Variants in IGSF9B observed in about 807,000 individuals in gnomAD.
IGSF9B encodes protein turtle homolog B.
A neutral mutation model predicts 143.7 loss-of-function variants in IGSF9B; 48 were observed. The observed-to-expected ratio is 0.33, with a 90% CI of 0.26 to 0.42. The LOEUF (loss-of-function observed/expected upper bound fraction) is 0.42, where lower values mean the gene tolerates loss of function less well. Among genes scored for constraint, IGSF9B ranks in the 20% least tolerant of loss-of-function variants. IGSF9B has a pLI of 1.00. For synonymous variants in IGSF9B, 903 were observed against 833.1 expected, an observed-to-expected ratio of 1.08 and a Z score of -1.44; for missense variants, 1,706 against 1,980.0, an observed-to-expected ratio of 0.86 and a Z score of 2.63.
intron 1 of IGSF9B, among the ~76,000 whole-genome samples, chr11:133,947,218 C>T (rs1940070509): frequency 1.3e-5 from 2 of 152,208 alleles, no homozygotes; most frequent in South Asian, 4.1e-4. Flanking sequence ...CGCAGCACCA[C>T]TCCTGGGCCC....
Position 133,932,230 on chromosome 11 carries a change from C to A in IGSF9B, c.968-17G>T, listed in dbSNP as rs189581690. 1.3e-6 allele frequency: 2 copies of A among 1,546,926 alleles called. No homozygotes were observed. Among genetic ancestry groups the A allele is most frequent in the Admixed American group, 2.0e-5 (1 of 50,738 alleles). ...GCGCTGGGTCTGCATAGAGGAAGCG[C>A]AGGTGAGAGAGCAGACAGACAGACA... On this transcript the variant is annotated splice_polypyrimidine_tract_variant and intron_variant, in intron 7 of 19. Transcript: ENST00000533871.
rs1487463601 is a variant in IGSF9B at position 133,907,883 on chromosome 11, G to A, written c.*1186C>T. On this transcript the variant is annotated 3_prime_UTR_variant, in exon 20 of 20. Transcript: ENST00000533871. ...ACCGGAGGACGAAGGCCCCGGGGCA[G>A]AGAAGAGTCGGCAGGCAGCACGTGG... 6.6e-6 allele frequency among the ~76,000 whole-genome samples: 1 copy of A among 152,240 alleles called. No individual in the cohort carries two copies. Among genetic ancestry groups the A allele is most frequent in the African/African-American group, 2.4e-5 (1 of 41,464 alleles).
intron 18 of IGSF9B, among the ~76,000 whole-genome samples, chr11:133,918,524 G>T (rs577300142): frequency 6.6e-6 from 1 of 152,160 alleles, no homozygotes; most frequent in Non-Finnish European, 1.5e-5. Flanking sequence ...GCACCTCCGC[G>T]CACAGGCGGC....
At chr11:133,932,263 AGACAGACAGACACAGG>A in intron 7 of IGSF9B, 50 bp from the exon 8 acceptor site, 2 of 1,507,858 alleles carry the variant, frequency 1.3e-6, no homozygotes, top group Non-Finnish European at 1.8e-6. Flanking sequence ...ACACAGGGAC[AGACAGACAGACACAGG>A]GACAGACAGA....
intron 14 of IGSF9B, among the ~76,000 whole-genome samples, chr11:133,925,477 G>A (rs1188110722): frequency 1.3e-5 from 2 of 152,146 alleles, no homozygotes; most frequent in Non-Finnish European, 2.9e-5. Flanking sequence ...AGCCTGCCCT[G>A]CCCAGCTTGT....
rs763845138 is a variant in IGSF9B, at chr11:133,902,691, C to T, written c.*6378G>A. Among the ~76,000 whole-genome samples the T allele has an allele frequency of 5.3e-4, 80 of 152,174 alleles. 1 individual carries two copies. Among genetic ancestry groups the T allele is most frequent in the Non-Finnish European group, 1.9e-4 (13 of 68,024 alleles). ...GGTGCCTGCAGAAGGACACATGAGA[C>T]AATCCCTTCTCCAGCCCTGCCAGGA... On this transcript the variant is annotated 3_prime_UTR_variant, in exon 20 of 20. Transcript: ENST00000533871.
chr11:133,897,292 A>C lies in IGSF9B; in HGVS notation c.*11777T>G, dbSNP rs1344451711. 1 of 152,186 alleles carries C rather than the reference A, an allele frequency of 6.6e-6. No individual in the cohort carries two copies. Among genetic ancestry groups the C allele is most frequent in the Non-Finnish European group, 1.5e-5 (1 of 68,048 alleles). The allele number at this position is 152,186 out of a possible 1,614,324, so 9.4% of individuals were successfully genotyped here. A position where few individuals can be genotyped will look rare whatever the true frequency, so the allele number is the denominator to read the frequency against. On this transcript the variant is annotated 3_prime_UTR_variant, in exon 20 of 20. Coordinates refer to ENST00000533871, the MANE Select transcript of IGSF9B (RefSeq NM_001277285.4). ...AACCTGGGCCTCCCTTCAAGCTCGT[A>C]CTTAGTACATTCACCATGACACTGT...
rs533648457 is a variant in IGSF9B, at chr11:133,948,146, A to G, written c.65-1888T>C. Among the ~76,000 whole-genome samples, 57 of 149,636 alleles carry G rather than the reference A, an allele frequency of 3.8e-4. No homozygotes were observed. Among genetic ancestry groups the G allele is most frequent in the Admixed American group, 1.3e-4 (2 of 15,032 alleles). On this transcript the variant is annotated intron_variant, in intron 1 of 19. Transcript: ENST00000533871. This position sits in a 1 kb window ranked among gnomAD's most constrained non-coding sequence, Gnocchi z 4.7. ...GGAGGGGTTCTGCCTGCTTCTCTGT[A>G]TGCAAGGGCTCCGTCTCTGCATGTA...
At chr11:133,950,245 A>G (rs1298557560) in intron 1 of IGSF9B, among the ~76,000 whole-genome samples, 2 of 152,268 alleles carry the variant, frequency 1.3e-5, no homozygotes, top group Non-Finnish European at 2.9e-5. Context: ...TGAAAGCAGG[A>G]CTGCTCTGAA....
rs912979889 is a variant in IGSF9B at position 133,903,875 on chromosome 11, G to C, written c.*5194C>G. 6.6e-6 allele frequency among the ~76,000 whole-genome samples: 1 copy of C among 152,152 alleles called. No individual in the cohort carries two copies. ...CCAAACAGCAAGCTGGTAAGAGTGC[G>C]AAAGTCCAATCTGGGCTTTGATCCT... On this transcript the variant is annotated 3_prime_UTR_variant, in exon 20 of 20. Transcript: ENST00000533871.
rs1192195272 is a variant in IGSF9B at position 133,953,875 on chromosome 11, TCCA to T, written c.64+2813_64+2815del. Among the ~76,000 whole-genome samples, 4 of 152,080 alleles carry T rather than the reference TCCA, an allele frequency of 2.6e-5. No individual in the cohort carries two copies. The highest frequency in any genetic ancestry group is 5.9e-5 in the Non-Finnish European group (4 of 68,020). ...GGGTACCACTCCAGCCCCTCTCTTC[TCCA>T]CACTTCCCCAACCTGTCCACTGACC... On this transcript the variant is annotated intron_variant, in intron 1 of 19. Transcript: ENST00000533871. The surrounding 1 kb of genome is among the most constrained non-coding windows in gnomAD (Gnocchi z 4.2).
Position 133,920,744 on chromosome 11 carries a change from G to A in IGSF9B, c.2981C>T (p.Ser994Phe). The A allele has an allele frequency of 1.2e-6, 2 of 1,612,956 alleles. No homozygotes were observed. The highest frequency in any genetic ancestry group is 8.5e-7 in the Non-Finnish European group (1 of 1,179,614). The change falls in exon 18 of 20, where the codon TCC becomes TTC. Residue 994 changes from serine to phenylalanine, a missense_variant. Physicochemically the swap from Ser to Phe is radical, Grantham distance 155 (BLOSUM62 -2). This residue lies in a region of IGSF9B where 880 missense variants were observed against 762.9 expected (regional missense o/e 1.15). Coordinates refer to ENST00000533871, the MANE Select transcript of IGSF9B (RefSeq NM_001277285.4). ...GGGCAGGGGCGGGGACGACATGACG[G>A]AGCTCAGGGGGCTGCCCACTTCTGG... ...YVPEVGSPLS[S>F]VMSSPPLPTE... is the part of the protein sequence containing the mutation.
intron 18 of IGSF9B, chr11:133,918,940 AG>A: frequency 2.2e-6 from 1 of 459,960 alleles, no homozygotes. Flanking sequence ...AGAAGGAAGG[AG>A]GGGCAGGGGG....
rs1218409953 is a variant in IGSF9B at position 133,956,795 on chromosome 11, G to A, written c.-41C>T. The A allele has an allele frequency of 6.8e-6, 9 of 1,314,378 alleles. No individual in the cohort carries two copies. The highest frequency in any genetic ancestry group is 2.6e-5 in the Admixed American group (1 of 38,832). The allele number at this position is 1,314,378 out of a possible 1,614,324, so 81.4% of individuals were successfully genotyped here. A position where few individuals can be genotyped will look rare whatever the true frequency, so the allele number is the denominator to read the frequency against. ...GCCCGGAGCCTCATCCTATCGCAAA[G>A]TGCTCCCGCGCCCGCACGCGCCTCG... On this transcript the variant is annotated 5_prime_UTR_variant, in exon 1 of 20. Transcript: ENST00000533871.
At position 133,902,009 on chromosome 11, in the gene IGSF9B, CCAG is replaced by C. The variant is rs1565409662; in HGVS notation, c.*7057_*7059del. On this transcript the variant is annotated 3_prime_UTR_variant, in exon 20 of 20. Coordinates refer to ENST00000533871, the MANE Select transcript of IGSF9B (RefSeq NM_001277285.4). Reference sequence around the variant, plus strand: ...CAGACACATCACACACACACACACACCAGACATACACACACCATACCACACACC... The same window carrying C: ...CAGACACATCACACACACACACACACACATACACACACCATACCACACACC... 5.6e-5 allele frequency among the ~76,000 whole-genome samples: 7 copies of C among 124,784 alleles called. No homozygotes were observed. The highest frequency in any genetic ancestry group is 2.1e-4 in the African/African-American group (6 of 29,090). The allele number at this position is 124,784 out of a possible 152,430, so 81.9% of individuals were successfully genotyped here.
rs1591706202 is a variant in IGSF9B at position 133,908,998 on chromosome 11, A to C, written c.*71T>G. 5.4e-6 allele frequency: 7 copies of C among 1,303,228 alleles called. 1 individual carries two copies. The highest frequency in any genetic ancestry group is 7.4e-6 in the Non-Finnish European group (7 of 943,410). 80.7% of individuals were successfully genotyped at this position (1,303,228 alleles called of 1,614,324 possible). On this transcript the variant is annotated 3_prime_UTR_variant, in exon 20 of 20. Transcript: ENST00000533871. ...GCCCTTGGCAGACGGAGGAGGACAC[A>C]CCCCCACACAGTGGCCCTCCCTGCC...
rs1170849867 is a variant in IGSF9B, at chr11:133,936,045, G to T, written c.821+8C>A. On this transcript the variant is annotated splice_region_variant and intron_variant, in intron 6 of 19. Transcript: ENST00000533871. ...AACCTCATTGAAAAGTCAGAGCAGGGTGCTCACTTCTGAAAGTAGACGTTC... is the reference window on the plus strand; with the variant it reads ...AACCTCATTGAAAAGTCAGAGCAGGTTGCTCACTTCTGAAAGTAGACGTTC... The T allele has an allele frequency of 6.2e-7, 1 of 1,612,978 alleles. No individual in the cohort carries two copies. Among genetic ancestry groups the T allele is most frequent in the Admixed American group, 1.7e-5 (1 of 59,896 alleles).
At position 133,920,229 on chromosome 11, in the gene IGSF9B, G is replaced by C; in HGVS notation, c.3496C>G (p.Leu1166Val). 6.6e-7 allele frequency: 1 copy of C among 1,516,760 alleles called. No individual in the cohort carries two copies. The highest frequency in any genetic ancestry group is 8.8e-7 in the Non-Finnish European group (1 of 1,132,686). The allele number at this position is 1,516,760 out of a possible 1,614,324, so 94.0% of individuals were successfully genotyped here. A position where few individuals can be genotyped will look rare whatever the true frequency, so the allele number is the denominator to read the frequency against. ...TGGGGCTCATACCACCGGGTGTCCA[G>C]GCCAAATGTGCTGGGGCCGCCGTGC... ...GAHGGPSTFG[L>V]DTRWYEPQPR... is the part of the protein sequence containing the mutation. Residue 1166 changes from leucine to valine, a missense_variant, in exon 18 of 20, where the codon CTG becomes GTG. By Grantham distance (32) the Leu-to-Val change is conservative (BLOSUM62 1). Around this residue, in one of 7 missense-constraint regions of IGSF9B, gnomAD observed 880 missense variants for 762.9 expected, o/e 1.15. Transcript: ENST00000533871.
rs1939080446 is a variant in IGSF9B at position 133,899,442 on chromosome 11, A to G, written c.*9627T>C. ...GCAGTGGAGCAGAAAGGTCACAGGT[A>G]GGCACTAACATCCCCTCCACACTGT... On this transcript the variant is annotated 3_prime_UTR_variant, in exon 20 of 20. Transcript: ENST00000533871. 6.6e-6 allele frequency: 1 copy of G among 151,520 alleles called. No individual in the cohort carries two copies. The highest frequency in any genetic ancestry group is 6.6e-5 in the Admixed American group (1 of 15,168). The allele number at this position is 151,520 out of a possible 1,614,324, so 9.4% of individuals were successfully genotyped here.
Sources: allele counts gnomAD v4.1 joint callset (sites outside exome capture counted in the v4.1 genomes callset), GRCh38; gene constraint gnomAD v4.1.1; regional missense constraint gnomAD v4.1.1; non-coding constraint Gnocchi (gnomAD v3.1); transcripts MANE v1.5; gene names NCBI Gene and HGNC (gene_info 2026-07-23, HGNC 2026-07-21).